TRPM3: variants seen among roughly 807,000 people sequenced by gnomAD.
TRPM3 encodes the protein transient receptor potential cation channel subfamily M member 3, also known as long transient receptor potential channel 3.
In TRPM3, 77 loss-of-function variants were observed where a neutral mutation model predicts 181.2. That is an observed-to-expected ratio of 0.42 (90% CI 0.35 to 0.51). The LOEUF (loss-of-function observed/expected upper bound fraction) is 0.51. Among genes scored for constraint, TRPM3 ranks in the 20% least tolerant of loss-of-function variants. The probability of loss-of-function intolerance (pLI) is 0.01; values close to 1 mark genes in which losing one functional copy is unlikely to be tolerated. For synonymous variants in TRPM3, 745 were observed against 796.4 expected (o/e 0.94, Z 1.09); for missense variants, 1,759 against 2,196.7 (o/e 0.80, Z 3.98).
intron 22 of TRPM3, among the ~76,000 whole-genome samples, chr9:70,569,175 A>G (rs776721415): frequency 3.3e-5 from 5 of 152,212 alleles, no homozygotes; most frequent in Non-Finnish European, 7.3e-5. Context: ...CAAAGACTCA[A>G]TGTAAGCCAT....
At chr9:71,014,329 A>G (rs1590647489) in intron 1 of TRPM3, among the ~76,000 whole-genome samples, 1 of 152,048 alleles carries the variant, frequency 6.6e-6, no homozygotes, top group African/African-American at 2.4e-5. Flanking sequence ...AACCTAATAC[A>G]TGATTATTTT....
intron 1 of TRPM3, among the ~76,000 whole-genome samples, chr9:70,914,564 G>A (rs1026165487): frequency 1.3e-5 from 2 of 152,186 alleles, no homozygotes; most frequent in Non-Finnish European, 2.9e-5. Flanking sequence ...AGTTACTACT[G>A]AATAATGACA....
At chr9:70,833,139 C>T (rs2275242) in intron 5 of TRPM3, among the ~76,000 whole-genome samples, 80,385 of 152,046 alleles carry the variant, frequency 0.53, 21,891 homozygotes, top group Non-Finnish European at 0.56. Context: ...TTCAAGTTAA[C>T]GCAGAATAGT....
intron 1 of TRPM3, among the ~76,000 whole-genome samples, chr9:71,353,689 T>C (rs2091767375): frequency 6.6e-6 from 1 of 152,232 alleles, no homozygotes; most frequent in Non-Finnish European, 1.5e-5. Context: ...GTTTTTATTA[T>C]AGTCCTCTGT....
chr9:70,548,662 T>A (rs1588196953), intron 25 of TRPM3, among the ~76,000 whole-genome samples: 1 of 152,252 alleles, frequency 6.6e-6, no homozygotes, highest in African/African-American at 2.4e-5. Context: ...GTTACACCTA[T>A]GTTTCGTAAT....
At chr9:71,260,710 T>C (rs373346562) in intron 1 of TRPM3, among the ~76,000 whole-genome samples, 4 of 152,330 alleles carry the variant, frequency 2.6e-5, no homozygotes, top group East Asian at 3.9e-4. Flanking sequence ...GGAATGCTTG[T>C]GATTTTTGCA....
In TRPM3 at chr9:71,075,539, G is replaced by A. The variant is rs75362970; in HGVS notation, c.177+45639C>T. Among the ~76,000 whole-genome samples the A allele has an allele frequency of 5.1e-3, 782 of 152,154 alleles. 18 individuals carry two copies. In the East Asian group the frequency reaches 0.078, roughly 15 times the overall value. ...TCTGAAAACAACTATCCCCTCTCCT[G>A]TGCTATTTGGTAGACTGAATTTAAA... is the stretch of plus-strand genomic sequence containing the variant. On this transcript the variant is annotated intron_variant, in intron 1 of 25. Transcript: ENST00000677713.
chr9:70,822,402 A>T (rs146595599), intron 6 of TRPM3, among the ~76,000 whole-genome samples: 5 of 152,194 alleles, frequency 3.3e-5, no homozygotes. Context: ...TGAATGCTCA[A>T]TTCAATAGCA....
chr9:71,209,664 G>T (rs1386200308), intron 1 of TRPM3, among the ~76,000 whole-genome samples: 1 of 152,126 alleles, frequency 6.6e-6, no homozygotes, highest in Non-Finnish European at 1.5e-5. Flanking sequence ...CTGCCCACAG[G>T]CCAAATCCAG....
At chr9:70,784,325 C>G in intron 6 of TRPM3, 46 bp from the exon 7 acceptor site, 2 of 1,513,432 alleles carry the variant, frequency 1.3e-6, no homozygotes, top group Non-Finnish European at 1.8e-6. Flanking sequence ...GAAAAGAACA[C>G]AAAGCCAGCA....
intron 1 of TRPM3, among the ~76,000 whole-genome samples, chr9:71,126,950 A>T (rs2074069431): frequency 6.6e-6 from 1 of 152,106 alleles, no homozygotes; most frequent in African/African-American, 2.4e-5. Context: ...CTCCCAGAGC[A>T]TAGTTTTCCA....
intron 9 of TRPM3, among the ~76,000 whole-genome samples, chr9:70,652,588 T>C (rs1368330684): frequency 1.3e-5 from 2 of 152,188 alleles, no homozygotes; most frequent in African/African-American, 2.4e-5. Context: ...GCATATTACA[T>C]GTATGATCTC....
intron 6 of TRPM3, among the ~76,000 whole-genome samples, chr9:70,795,933 T>C (rs1178127138): frequency 6.6e-6 from 1 of 152,248 alleles, no homozygotes; most frequent in Non-Finnish European, 1.5e-5. Flanking sequence ...AGACAAGTAT[T>C]ATTTTCATAA....
intron 9 of TRPM3, among the ~76,000 whole-genome samples, chr9:70,669,001 G>C (rs554941658): frequency 6.6e-6 from 1 of 152,324 alleles, no homozygotes; most frequent in South Asian, 2.1e-4. Flanking sequence ...GAAGCGTTGG[G>C]ATGGCAATTA....
At chr9:70,658,269 T>C (rs943091277) in intron 9 of TRPM3, among the ~76,000 whole-genome samples, 3 of 152,198 alleles carry the variant, frequency 2.0e-5, no homozygotes, top group Non-Finnish European at 4.4e-5. Context: ...GAGTGACTTA[T>C]TTTACAATGA....
intron 1 of TRPM3, among the ~76,000 whole-genome samples, chr9:71,091,220 T>A (rs375905638): frequency 6.6e-6 from 1 of 152,140 alleles, no homozygotes; most frequent in Non-Finnish European, 1.5e-5. Flanking sequence ...AGAAGTTGTA[T>A]TGATTATGTT....
At chr9:70,918,275 C>G (rs1346743458) in intron 1 of TRPM3, among the ~76,000 whole-genome samples, 1 of 152,104 alleles carries the variant, frequency 6.6e-6, no homozygotes, top group African/African-American at 2.4e-5. Context: ...CCAAATAGAT[C>G]TAATAGATAC....
chr9:71,190,821 C>T (rs1297915542), intron 1 of TRPM3, among the ~76,000 whole-genome samples: 1 of 151,840 alleles, frequency 6.6e-6, no homozygotes, highest in Non-Finnish European at 1.5e-5. Context: ...ACCTGGGCAA[C>T]GTCCTGTAAG....
At chr9:70,976,353 A>T (rs1374455221) in intron 1 of TRPM3, among the ~76,000 whole-genome samples, 3 of 152,022 alleles carry the variant, frequency 2.0e-5, no homozygotes, top group Admixed American at 2.0e-4. Context: ...TGATTTTTTT[A>T]CTCCATTCAA....
Sources: gnomAD v4.1 joint callset for allele counts (sites outside exome capture counted in the v4.1 genomes callset) on GRCh38, gnomAD v4.1.1 for gene constraint, MANE v1.5 for transcripts, NCBI Gene and HGNC (gene_info 2026-07-23, HGNC 2026-07-21) for gene names.